The following PTGER3 variants were observed in gnomAD, a reference collection of about 807,000 sequenced individuals.
The protein encoded by PTGER3 is prostaglandin E receptor 3, also known as prostaglandin E2 receptor EP3 subtype.
PTGER3 carries 22 observed loss-of-function variants against 34.7 expected under a neutral mutation model. That is an observed-to-expected ratio of 0.63 (90% CI 0.45 to 0.91). The LOEUF is 0.91. Ranked by LOEUF, PTGER3 falls within the 40% of genes least tolerant of loss-of-function variation. The probability of loss-of-function intolerance (pLI) is 0.00; values close to 1 mark genes in which losing one functional copy is unlikely to be tolerated. For synonymous variants in PTGER3, 241 were observed against 230.1 expected (o/e 1.05, Z -0.43); for missense variants, 468 against 519.4 (o/e 0.90, Z 0.96).
chr1:70,980,114 T>C (rs1044401991), intron 2 of PTGER3, among the ~76,000 whole-genome samples: 1 of 152,062 alleles, frequency 6.6e-6, no homozygotes, highest in Non-Finnish European at 1.5e-5. Flanking sequence ...GGGGAAGTCT[T>C]GAACAAAGAC....
chr1:70,964,061 A>G (rs1211469228), intron 2 of PTGER3, among the ~76,000 whole-genome samples: 1 of 152,136 alleles, frequency 6.6e-6, no homozygotes, highest in African/African-American at 2.4e-5. Flanking sequence ...CCAGTTCCCA[A>G]CAAGTTCCTT....
At chr1:71,012,534 C>T in intron 1 of PTGER3, 50 bp from the exon 2 acceptor site, 1 of 1,499,140 alleles carries the variant, frequency 6.7e-7, no homozygotes, top group South Asian at 1.2e-5. Context: ...AGGTCATATG[C>T]ATCTCCTCTA....
chr1:71,008,289 A>G, intron 2 of PTGER3: 1 of 891,320 alleles, frequency 1.1e-6, no homozygotes, highest in African/African-American at 1.8e-5. Flanking sequence ...CAGTAAAGAA[A>G]ATGTGTGACA....
intron 2 of PTGER3, among the ~76,000 whole-genome samples, 193 bp from the exon 3 acceptor site, chr1:70,974,581 A>G (rs1320212766): frequency 6.6e-6 from 1 of 152,190 alleles, no homozygotes. Context: ...TTACGCATCA[A>G]ATACGACTTG....
intron 4 of PTGER3, among the ~76,000 whole-genome samples, chr1:70,904,855 G>A (rs897257452): frequency 1.3e-5 from 2 of 152,182 alleles, no homozygotes; most frequent in African/African-American, 4.8e-5. Context: ...GTAGTGAGGA[G>A]TGAATGTTAA....
intron 4 of PTGER3, among the ~76,000 whole-genome samples, chr1:70,919,891 G>A (rs1285140795): frequency 6.6e-6 from 1 of 152,094 alleles, no homozygotes; most frequent in African/African-American, 2.4e-5. Flanking sequence ...TGAGCACCCA[G>A]TTATTACAGT....
intron 1 of PTGER3, among the ~76,000 whole-genome samples, chr1:71,018,076 C>A (rs1378483354): frequency 6.6e-6 from 1 of 152,020 alleles, no homozygotes; most frequent in Non-Finnish European, 1.5e-5. Flanking sequence ...CCAGGTAGTT[C>A]TTTACAGCAA....
chr1:70,852,793 G>A (rs764362758), exon 5 of PTGER3: 3 of 1,603,890 alleles, frequency 1.9e-6, no homozygotes, highest in Non-Finnish European at 2.6e-6. Context: ...TACAAAAAGA[G>A]AGTCATGGAG....
At chr1:70,877,356 G>A (rs145606083) in intron 4 of PTGER3, among the ~76,000 whole-genome samples, 1,560 of 152,238 alleles carry the variant, frequency 0.01, 23 homozygotes, top group African/African-American at 0.036. Flanking sequence ...CTCTTGGGAA[G>A]AGACTATGGG....
At chr1:70,877,269 T>C (rs968661317) in intron 4 of PTGER3, among the ~76,000 whole-genome samples, 8 of 152,208 alleles carry the variant, frequency 5.3e-5, no homozygotes, top group African/African-American at 1.7e-4. Context: ...ATTGTTGGTG[T>C]ATAGAAATGC....
intron 4 of PTGER3, among the ~76,000 whole-genome samples, chr1:70,933,618 A>G (rs752273014): frequency 1.2e-4 from 19 of 152,210 alleles, no homozygotes; most frequent in Non-Finnish European, 2.8e-4. Flanking sequence ...GTTGCTGGGA[A>G]CATGAAGGGA....
At chr1:71,007,043 T>G (rs1043795509) in intron 2 of PTGER3, 47 of 985,350 alleles carry the variant, frequency 4.8e-5, no homozygotes, top group Non-Finnish European at 4.8e-5. Flanking sequence ...AAGATATATT[T>G]AAATACACTG....
intron 4 of PTGER3, among the ~76,000 whole-genome samples, chr1:70,909,925 C>T (rs931428540): frequency 3.9e-5 from 6 of 152,196 alleles, no homozygotes; most frequent in African/African-American, 1.4e-4. Flanking sequence ...CACTTACCCA[C>T]TATGGGTTCA....
At chr1:70,852,485 A>C in exon 5 of PTGER3, 1 of 320,188 alleles carries the variant, frequency 3.1e-6, no homozygotes, top group Non-Finnish European at 5.7e-6. Context: ...AATACTCTAT[A>C]GCGGTTAAAA....
chr1:71,040,371 G>T (rs1023971013), intron 1 of PTGER3, among the ~76,000 whole-genome samples: 3 of 152,154 alleles, frequency 2.0e-5, no homozygotes, highest in Non-Finnish European at 4.4e-5. Context: ...GGAGGCAGAG[G>T]CGAGAGGATC....
chr1:70,978,174 C>G (rs761549699), intron 2 of PTGER3, among the ~76,000 whole-genome samples: 4 of 152,062 alleles, frequency 2.6e-5, no homozygotes, highest in Non-Finnish European at 5.9e-5. Flanking sequence ...TCGCTCCCTC[C>G]AAATTCTATA....
chr1:70,942,845 A>G (rs1391223504), intron 4 of PTGER3, among the ~76,000 whole-genome samples: 2 of 152,200 alleles, frequency 1.3e-5, no homozygotes, highest in Non-Finnish European at 2.9e-5. Context: ...GGCACAGGAC[A>G]CAAAGAGAAG....
chr1:71,011,979 C>T (rs1572927005), intron 2 of PTGER3: 2 of 1,339,840 alleles, frequency 1.5e-6, no homozygotes, highest in Non-Finnish European at 1.9e-6. Flanking sequence ...ACATATTCAG[C>T]TACGAATGGC....
chr1:70,904,660 T>A (rs1284898516), intron 4 of PTGER3, among the ~76,000 whole-genome samples: 2 of 152,174 alleles, frequency 1.3e-5, no homozygotes, highest in African/African-American at 4.8e-5. Context: ...ATTTAGGGTA[T>A]CTGGTGGAAG....
Sources: gnomAD v4.1 joint callset for allele counts (sites outside exome capture counted in the v4.1 genomes callset) on GRCh38, gnomAD v4.1.1 for gene constraint, MANE v1.5 for transcripts, NCBI Gene and HGNC (gene_info 2026-07-23, HGNC 2026-07-21) for gene names.